Variants in CCDC73 observed in about 807,000 individuals in gnomAD.
CCDC73 encodes the protein coiled-coil domain containing 73, also known as coiled-coil domain-containing protein 73.
A neutral mutation model predicts 116.5 loss-of-function variants in CCDC73; 95 were observed. The observed-to-expected ratio is 0.82, with a 90% CI of 0.69 to 0.97. The LOEUF (loss-of-function observed/expected upper bound fraction) is 0.97. Among genes scored for constraint, CCDC73 ranks in the 50% least tolerant of loss-of-function variants. CCDC73 has a pLI of 0.00. For synonymous variants in CCDC73, 398 were observed against 401.3 expected, an observed-to-expected ratio of 0.99 and a Z score of 0.10; for missense variants, 1,066 against 1,206.8, an observed-to-expected ratio of 0.88 and a Z score of 1.73.
chr11:32,817,255 G>A, the CCDC73 span, among the ~76,000 whole-genome samples: 1 of 152,192 alleles, frequency 6.6e-6, no homozygotes, highest in Non-Finnish European at 1.5e-5. Flanking sequence ...AAATGGCAAT[G>A]CAATGAACGT....
intron 1 of CCDC73, among the ~76,000 whole-genome samples, chr11:32,790,901 A>G (rs1468654547): frequency 6.6e-6 from 1 of 152,192 alleles, no homozygotes; most frequent in African/African-American, 2.4e-5. Flanking sequence ...GCCACCTTAT[A>G]AATAAAATGT....
At chr11:32,662,601 G>T (rs1466302525) in intron 9 of CCDC73, among the ~76,000 whole-genome samples, 1 of 151,628 alleles carries the variant, frequency 6.6e-6, no homozygotes, top group African/African-American at 2.4e-5. Flanking sequence ...TTTGTCAGAT[G>T]AGTAGATTGC....
chr11:32,647,933 C>T (rs1855792798), intron 12 of CCDC73, among the ~76,000 whole-genome samples: 1 of 151,944 alleles, frequency 6.6e-6, no homozygotes, highest in African/African-American at 2.4e-5. Context: ...AACCAGTTCA[C>T]AAAATTCCTT....
the CCDC73 span, among the ~76,000 whole-genome samples, chr11:32,824,649 G>T: frequency 6.6e-6 from 1 of 152,206 alleles, no homozygotes; most frequent in East Asian, 1.9e-4. Flanking sequence ...ACAAACATGG[G>T]TAAATGTTGC....
intron 2 of CCDC73, among the ~76,000 whole-genome samples, chr11:32,749,567 T>A (rs1446551067): frequency 6.6e-6 from 1 of 152,112 alleles, no homozygotes; most frequent in Non-Finnish European, 1.5e-5. Context: ...CTGGATGGTC[T>A]TGATGCTTGT....
Position 32,702,859 on chromosome 11 carries a change from C to G in CCDC73, c.279+14G>C. On this transcript the variant is annotated intron_variant, in intron 4 of 17. Coordinates refer to ENST00000335185, the MANE Select transcript of CCDC73 (RefSeq NM_001008391.4). ...ATTTAAAATGGTAGTGTTTGTCTAT[C>G]CTTATGAAATTACCTGCTTTTTAAA... is the stretch of plus-strand genomic sequence containing the variant. 6.4e-7 allele frequency: 1 copy of G among 1,562,594 alleles called. No individual in the cohort carries two copies. Among genetic ancestry groups the G allele is most frequent in the Non-Finnish European group, 8.8e-7 (1 of 1,133,190 alleles).
chr11:32,779,495 A>G (rs34535828), intron 1 of CCDC73, among the ~76,000 whole-genome samples: 7,346 of 152,310 alleles, frequency 0.048, 238 homozygotes, highest in South Asian at 0.099. Context: ...TGCTACCTCA[A>G]TATTGGCTAC....
At chr11:32,661,762 C>T (rs1336532309) in intron 9 of CCDC73, among the ~76,000 whole-genome samples, 1 of 151,192 alleles carries the variant, frequency 6.6e-6, no homozygotes, top group Non-Finnish European at 1.5e-5. Context: ...TATACATGTG[C>T]CATGTTGGTG....
At chr11:32,655,675 C>T (rs115763610) in intron 9 of CCDC73, among the ~76,000 whole-genome samples, 166 of 152,244 alleles carry the variant, frequency 1.1e-3, no homozygotes, top group African/African-American at 3.8e-3. Context: ...AGGACTTGTA[C>T]GTTACGCTAC....
At chr11:32,712,796 T>G (rs956852034) in intron 3 of CCDC73, among the ~76,000 whole-genome samples, 4 of 151,988 alleles carry the variant, frequency 2.6e-5, no homozygotes, top group Non-Finnish European at 5.9e-5. Context: ...CACTTCATTT[T>G]ATATATAGCA....
chr11:32,702,891 CA>C lies in CCDC73; in HGVS notation c.260del (p.Met87ArgfsTer10), dbSNP rs746526716. The C allele has an allele frequency of 6.2e-7, 1 of 1,611,860 alleles. No individual in the cohort carries two copies. Among genetic ancestry groups the C allele is most frequent in the Admixed American group, 1.7e-5 (1 of 60,004 alleles). ...AAATTACCTGCTTTTTAAAAACTGC[CA>C]TTGCTTCCTTGTGTTGCTCTGCCAA... ...ETLAEQHKEA[M>X]AVFKKQLQMK... On this transcript the variant is annotated frameshift_variant, in exon 4 of 18. Transcript: ENST00000335185. LOFTEE classifies it high-confidence loss of function.
At chr11:32,697,128 C>G (rs78588011) in intron 6 of CCDC73, among the ~76,000 whole-genome samples, 6,100 of 152,168 alleles carry the variant, frequency 0.04, 224 homozygotes, top group South Asian at 0.15. Context: ...AGCCACCACA[C>G]CTAGCTTAGG....
chr11:32,671,082 T>C (rs1202294251), intron 9 of CCDC73, among the ~76,000 whole-genome samples: 3 of 152,208 alleles, frequency 2.0e-5, no homozygotes, highest in African/African-American at 7.2e-5. Context: ...TCTAACCATT[T>C]TATTCAAAGC....
At chr11:32,830,474 T>C in the CCDC73 span, 1 of 1,014,586 alleles carries the variant, frequency 9.9e-7, no homozygotes, top group Non-Finnish European at 1.3e-6. Flanking sequence ...GCTAGGGGCC[T>C]TTTTTTTTTA....
At chr11:32,603,954 C>G (rs530079994) in intron 17 of CCDC73, 1 of 152,252 alleles carries the variant, frequency 6.6e-6, no homozygotes, top group Non-Finnish European at 1.5e-5. Context: ...GTAGTCCCAG[C>G]TCCTCGGAGG....
chr11:32,789,462 T>TG (rs1222933452), intron 1 of CCDC73, among the ~76,000 whole-genome samples: 1 of 152,176 alleles, frequency 6.6e-6, no homozygotes, highest in African/African-American at 2.4e-5. Flanking sequence ...CAAAACGTAG[T>TG]GATTTTTTTA....
chr11:32,619,547 C>G (rs192241752), intron 14 of CCDC73, among the ~76,000 whole-genome samples: 17 of 152,200 alleles, frequency 1.1e-4, no homozygotes, highest in African/African-American at 3.6e-4. Context: ...GTGGCACACA[C>G]CTGTAGTCCT....
At chr11:32,691,786 C>T (rs1035990370) in intron 6 of CCDC73, among the ~76,000 whole-genome samples, 16 of 152,086 alleles carry the variant, frequency 1.1e-4, no homozygotes, top group African/African-American at 3.1e-4. Flanking sequence ...CAGTGGCTCA[C>T]GCCTGTAATC....
intron 9 of CCDC73, among the ~76,000 whole-genome samples, chr11:32,658,886 G>A (rs1204827906): frequency 1.3e-5 from 2 of 152,226 alleles, no homozygotes; most frequent in East Asian, 1.9e-4. Context: ...GAAAGGAAAA[G>A]GGGACCATGA....
Sources: gnomAD v4.1 joint callset for allele counts (sites outside exome capture counted in the v4.1 genomes callset) on GRCh38, gnomAD v4.1.1 for gene constraint, MANE v1.5 for transcripts, NCBI Gene and HGNC (gene_info 2026-07-23, HGNC 2026-07-21) for gene names.